ANXA13: variants seen among roughly 807,000 people sequenced by gnomAD.
ANXA13 encodes the protein annexin XIII.
A neutral mutation model predicts 46.6 loss-of-function variants in ANXA13; 36 were observed. That is an observed-to-expected ratio of 0.77 (90% confidence interval 0.59 to 1.02). ANXA13 has a LOEUF of 1.02. Among genes scored for constraint, ANXA13 ranks in the 50% least tolerant of loss-of-function variants. The pLI is 0.00. For synonymous variants in ANXA13, 163 were observed against 152.9 expected (o/e 1.07, Z -0.49); for missense variants, 417 against 396.5 (o/e 1.05, Z -0.44).
At chr8:123,702,066 C>T (rs992387467) in intron 3 of ANXA13, among the ~76,000 whole-genome samples, 3 of 152,034 alleles carry the variant, frequency 2.0e-5, no homozygotes, top group Non-Finnish European at 4.4e-5. Flanking sequence ...ATTCATTTTG[C>T]ATAATGATAA....
intron 1 of ANXA13, among the ~76,000 whole-genome samples, chr8:123,735,030 T>C (rs1814223690): frequency 6.8e-6 from 1 of 147,264 alleles, no homozygotes; most frequent in Admixed American, 7.0e-5. Flanking sequence ...ATAAAAGAAC[T>C]CAGAAGTCAC....
chr8:123,735,841 A>T, intron 1 of ANXA13: 2 of 1,612,204 alleles, frequency 1.2e-6, no homozygotes, highest in Non-Finnish European at 1.7e-6. Context: ...CCTTTAGGCA[A>T]CTGTTGACTG....
chr8:123,683,382 G>A (rs1455352783), intron 10 of ANXA13, among the ~76,000 whole-genome samples: 1 of 151,110 alleles, frequency 6.6e-6, no homozygotes, highest in Non-Finnish European at 1.5e-5. Context: ...TCAGAATTTG[G>A]GTTGGTGTCC....
At chr8:123,700,183 T>C (rs1813416279) in intron 3 of ANXA13, among the ~76,000 whole-genome samples, 1 of 152,184 alleles carries the variant, frequency 6.6e-6, no homozygotes, top group South Asian at 2.1e-4. Flanking sequence ...GGCAGGTCTG[T>C]GGTCAGTACT....
chr8:123,698,668 C>A (rs1813390530), intron 3 of ANXA13, 109 bp from the exon 4 acceptor site: 2 of 1,230,416 alleles, frequency 1.6e-6, no homozygotes, highest in Admixed American at 4.1e-5. Context: ...GTGCTGTGGA[C>A]ATGAATTCTG....
chr8:123,684,288 T>C (rs1401443425), intron 10 of ANXA13, among the ~76,000 whole-genome samples: 1 of 152,204 alleles, frequency 6.6e-6, no homozygotes, highest in Non-Finnish European at 1.5e-5. Flanking sequence ...TTCAAGTGTG[T>C]TTGTTTTGTC....
At chr8:123,715,881 A>G (rs1226002518) in intron 1 of ANXA13, among the ~76,000 whole-genome samples, 2 of 152,168 alleles carry the variant, frequency 1.3e-5, no homozygotes, top group African/African-American at 4.8e-5. Context: ...TAGGGAGGCC[A>G]TTCCATGATA....
At chr8:123,686,723 A>G (rs1813146717) in intron 9 of ANXA13, among the ~76,000 whole-genome samples, 1 of 152,170 alleles carries the variant, frequency 6.6e-6, no homozygotes, top group Non-Finnish European at 1.5e-5. Flanking sequence ...TAGGGGGTCC[A>G]TAGACCTCAC....
Position 123,681,105 on chromosome 8 carries a change from C to T in ANXA13, c.*135G>A, listed in dbSNP as rs181641984. 224 of 1,250,996 alleles carry T rather than the reference C, an allele frequency of 1.8e-4. 2 individuals are homozygous for T. In the African/African-American group the frequency reaches 2.0e-3, roughly 11 times the overall value. The allele number at this position is 1,250,996 out of a possible 1,614,324, so 77.5% of individuals were successfully genotyped here. On this transcript the variant is annotated 3_prime_UTR_variant, in exon 11 of 11. Transcript: ENST00000419625. ...TAACTTACACAGCTTGGCCTGGCTG[C>T]GCCACTTAAGCTGCCAAGAAAGTAA...
At position 123,681,615 on chromosome 8, in the gene ANXA13, A is replaced by ATTTCT. The variant is rs1813039152; in HGVS notation, c.832-261_832-257dup. ...GTGTGTGTTCCACTAAAACTCTTGA[A>ATTTCT]TTTCTTTTTTTTTTTTTTTTTTTTT... On this transcript the variant is annotated intron_variant, in intron 10 of 10. Transcript: ENST00000419625. 9.5e-5 allele frequency among the ~76,000 whole-genome samples: 13 copies of ATTTCT among 136,984 alleles called. No individual in the cohort carries two copies. In the East Asian group the frequency reaches 2.7e-3, roughly 28 times the overall value. 89.9% of individuals were successfully genotyped at this position (136,984 alleles called of 152,430 possible). A position where few individuals can be genotyped will look rare whatever the true frequency, so the allele number is the denominator to read the frequency against.
intron 1 of ANXA13, chr8:123,735,619 C>A: frequency 8.7e-7 from 1 of 1,147,242 alleles, no homozygotes; most frequent in South Asian, 2.5e-5. Flanking sequence ...GAAAGATTTC[C>A]CTGCTTGGAA....
At chr8:123,688,768 C>T (rs1244107346) in intron 9 of ANXA13, 103 bp downstream of exon 9, 1 of 1,014,504 alleles carries the variant, frequency 9.9e-7, no homozygotes, top group East Asian at 2.4e-5. Flanking sequence ...ACCTGTTGAC[C>T]CCCAAAAGCT....
chr8:123,706,484 C>A (rs1340339395), intron 2 of ANXA13, among the ~76,000 whole-genome samples: 1 of 152,130 alleles, frequency 6.6e-6, no homozygotes, highest in East Asian at 1.9e-4. Context: ...CTGGCTGTCC[C>A]CTTTCCCTCA....
At chr8:123,697,192 C>G (rs752985968) in intron 4 of ANXA13, among the ~76,000 whole-genome samples, 1 of 152,188 alleles carries the variant, frequency 6.6e-6, no homozygotes, top group Non-Finnish European at 1.5e-5. Context: ...AGATTACAGG[C>G]GTGAACCACT....
intron 1 of ANXA13, among the ~76,000 whole-genome samples, chr8:123,722,849 C>T (rs559826701): frequency 1.3e-5 from 2 of 152,208 alleles, no homozygotes; most frequent in South Asian, 2.1e-4. Flanking sequence ...TAGGAAGCTT[C>T]TTCCTTCTCC....
intron 4 of ANXA13, among the ~76,000 whole-genome samples, chr8:123,698,078 C>G (rs539772584): frequency 1.3e-5 from 2 of 152,194 alleles, no homozygotes; most frequent in Non-Finnish European, 2.9e-5. Flanking sequence ...TCAGAAGAGC[C>G]GCAAAGTCAG....
At chr8:123,701,468 TCAAAA>T (rs199850820) in intron 3 of ANXA13, among the ~76,000 whole-genome samples, 6,187 of 152,084 alleles carry the variant, frequency 0.041, 144 homozygotes, top group Middle Eastern at 0.086. Flanking sequence ...AGACTCCGTC[TCAAAA>T]CAAAACAAAA....
Position 123,712,660 on chromosome 8 carries a change from AC to A in ANXA13, c.91+17del. 6.2e-7 allele frequency: 1 copy of A among 1,613,162 alleles called. No individual in the cohort carries two copies. The highest frequency in any genetic ancestry group is 8.5e-7 in the Non-Finnish European group (1 of 1,179,042). ...AATCAACTTCAGAAGCAAATTAGCA[AC>A]AAAATATCTCTCATACCCATTCCTT... On this transcript the variant is annotated intron_variant, in intron 2 of 10. Coordinates refer to ENST00000419625, the MANE Select transcript of ANXA13 (RefSeq NM_004306.4).
At chr8:123,720,435 C>G (rs957049275) in intron 1 of ANXA13, among the ~76,000 whole-genome samples, 1 of 151,982 alleles carries the variant, frequency 6.6e-6, no homozygotes, top group African/African-American at 2.4e-5. Context: ...TGGCACCTTG[C>G]GCCAATATTG....
Sources: gnomAD v4.1 joint callset for allele counts (sites outside exome capture counted in the v4.1 genomes callset) on GRCh38, gnomAD v4.1.1 for gene constraint, MANE v1.5 for transcripts, NCBI Gene and HGNC (gene_info 2026-07-23, HGNC 2026-07-21) for gene names.